Variants in SAMD4A observed in about 807,000 individuals in gnomAD.
SAMD4A encodes the protein sterile alpha motif domain containing 4A, also known as protein Smaug homolog 1.
Under a neutral mutation model 81.3 loss-of-function variants are expected in SAMD4A, and 33 were observed. The ratio of observed to expected loss-of-function variants is 0.41; its 90% CI spans 0.31 to 0.54. The LOEUF is 0.54. Ranked by LOEUF, SAMD4A falls within the 20% of genes least tolerant of loss-of-function variation. SAMD4A has a pLI of 0.37. For synonymous variants in SAMD4A, 389 were observed against 382.1 expected (o/e 1.02, Z -0.21); for missense variants, 854 against 951.1 (o/e 0.90, Z 1.34).
intron 2 of SAMD4A, among the ~76,000 whole-genome samples, chr14:54,587,159 A>G (rs1251201658): frequency 2.6e-5 from 4 of 152,084 alleles, no homozygotes; most frequent in Non-Finnish European, 4.4e-5. Flanking sequence ...GGTTAGGTAT[A>G]TTCCTAAGCA....
chr14:54,735,816 C>A (rs1409502142), intron 3 of SAMD4A, among the ~76,000 whole-genome samples: 1 of 152,240 alleles, frequency 6.6e-6, no homozygotes, highest in Non-Finnish European at 1.5e-5. Context: ...GGACCTCTCA[C>A]CATTGAGATG....
intron 3 of SAMD4A, among the ~76,000 whole-genome samples, chr14:54,726,819 C>T (rs1352666957): frequency 6.6e-6 from 1 of 151,934 alleles, no homozygotes; most frequent in Non-Finnish European, 1.5e-5. Flanking sequence ...GGTTGAGAAC[C>T]ACCGGTCTAG....
intron 9 of SAMD4A, among the ~76,000 whole-genome samples, chr14:54,770,706 G>A (rs1263333558): frequency 6.6e-6 from 1 of 152,224 alleles, no homozygotes; most frequent in Non-Finnish European, 1.5e-5. Flanking sequence ...GTCTCATAGT[G>A]GAGCAGTACA....
intron 2 of SAMD4A, among the ~76,000 whole-genome samples, chr14:54,589,268 G>A (rs2033710196): frequency 6.6e-6 from 1 of 152,160 alleles, no homozygotes; most frequent in South Asian, 2.1e-4. Flanking sequence ...TGGAGATGAG[G>A]ATGGAAACAG....
At chr14:54,730,397 T>C (rs1026479617) in intron 3 of SAMD4A, among the ~76,000 whole-genome samples, 2 of 152,232 alleles carry the variant, frequency 1.3e-5, no homozygotes, top group African/African-American at 4.8e-5. Context: ...AGTATACACT[T>C]TCTTTTCACC....
At chr14:54,579,650 T>C (rs371508260) in intron 2 of SAMD4A, among the ~76,000 whole-genome samples, 18 of 152,230 alleles carry the variant, frequency 1.2e-4, no homozygotes, top group African/African-American at 4.1e-4. Flanking sequence ...GCTTTGTTTT[T>C]CCACTGGCTT....
At chr14:54,665,957 G>T (rs1188663487) in intron 2 of SAMD4A, among the ~76,000 whole-genome samples, 1 of 152,168 alleles carries the variant, frequency 6.6e-6, no homozygotes, top group African/African-American at 2.4e-5. Flanking sequence ...AAATGGGCAG[G>T]ATGTGAACCC....
chr14:54,740,766 G>A (rs1480269972), intron 4 of SAMD4A, among the ~76,000 whole-genome samples: 1 of 152,196 alleles, frequency 6.6e-6, no homozygotes, highest in South Asian at 2.1e-4. Flanking sequence ...CTGTCACTAA[G>A]TTCTCTCCCA....
chr14:54,612,011 C>T (rs1350176931), intron 2 of SAMD4A, among the ~76,000 whole-genome samples: 2 of 152,128 alleles, frequency 1.3e-5, no homozygotes, highest in Non-Finnish European at 1.5e-5. Flanking sequence ...ACACCAGAGC[C>T]GCACAGTTAT....
In SAMD4A at chr14:54,776,443, C is replaced by T. The variant is rs1302772141; in HGVS notation, c.1947C>T (p.Ser649=). Reference sequence around the variant, plus strand: ...TGTGGTTTGCCAACCCCGGGGGCAGCAATAGCATGCCAAGCCGCACCCACA... The same window carrying T: ...TGTGGTTTGCCAACCCCGGGGGCAGTAATAGCATGCCAAGCCGCACCCACA... The part of the protein sequence containing the change: ...QNLWFANPGG[S]NSMPSRTHSS... Residue 649 remains serine, a synonymous_variant, in exon 11 of 13, where the codon AGC becomes AGT. Coordinates refer to ENST00000554335, the MANE Select transcript of SAMD4A (RefSeq NM_015589.6). 1 of 1,594,100 alleles carries T rather than the reference C, an allele frequency of 6.3e-7. No individual in the cohort carries two copies. Among genetic ancestry groups the T allele is most frequent in the Non-Finnish European group, 8.5e-7 (1 of 1,171,264 alleles).
At chr14:54,708,036 A>C (rs1001304740) in intron 3 of SAMD4A, among the ~76,000 whole-genome samples, 1 of 152,212 alleles carries the variant, frequency 6.6e-6, no homozygotes, top group African/African-American at 2.4e-5. Flanking sequence ...CACATTTTAA[A>C]AGGTTCTCTT....
chr14:54,760,147 C>T lies in SAMD4A; in HGVS notation c.1177-14C>T. On this transcript the variant is annotated splice_polypyrimidine_tract_variant and intron_variant, in intron 6 of 12. Coordinates refer to ENST00000554335, the MANE Select transcript of SAMD4A (RefSeq NM_015589.6). ...CCTGAGCCTAACAGAGGTCTTCCTG[C>T]TCTCACCGTCCAGGACATCATCGAG... 6.2e-7 allele frequency: 1 copy of T among 1,606,356 alleles called. No individual in the cohort carries two copies. Among genetic ancestry groups the T allele is most frequent in the Non-Finnish European group, 8.5e-7 (1 of 1,177,504 alleles).
chr14:54,693,600 T>A (rs1339831008), intron 2 of SAMD4A: 2 of 152,228 alleles, frequency 1.3e-5, no homozygotes, highest in Non-Finnish European at 2.9e-5. Context: ...GGAGGAAGGC[T>A]TGAGGCTAAG....
intron 5 of SAMD4A, among the ~76,000 whole-genome samples, chr14:54,751,133 G>A (rs1232541572): frequency 6.6e-6 from 1 of 152,118 alleles, no homozygotes; most frequent in Non-Finnish European, 1.5e-5. Flanking sequence ...TTGGTGGCCT[G>A]TAGTCCCAGC....
chr14:54,619,992 G>A (rs2034577672), intron 2 of SAMD4A, among the ~76,000 whole-genome samples: 1 of 151,472 alleles, frequency 6.6e-6, no homozygotes, highest in Non-Finnish European at 1.5e-5. Flanking sequence ...TGATCTCAGG[G>A]GAACTTCTAT....
intron 4 of SAMD4A, among the ~76,000 whole-genome samples, chr14:54,743,531 A>T (rs959739554): frequency 6.6e-6 from 1 of 152,254 alleles, no homozygotes; most frequent in Non-Finnish European, 1.5e-5. Flanking sequence ...CACAAGGCGC[A>T]GCCTTTGATG....
intron 2 of SAMD4A, among the ~76,000 whole-genome samples, chr14:54,701,634 G>A (rs973418884): frequency 2.6e-4 from 39 of 152,328 alleles, no homozygotes; most frequent in African/African-American, 9.1e-4. Flanking sequence ...ACAGATGTCT[G>A]GGGGAGGTGA....
chr14:54,673,716 C>T (rs1214748419), intron 2 of SAMD4A, among the ~76,000 whole-genome samples: 1 of 152,256 alleles, frequency 6.6e-6, no homozygotes, highest in Non-Finnish European at 1.5e-5. Flanking sequence ...CCAGCCCCAG[C>T]AGGCCATCTA....
intron 4 of SAMD4A, among the ~76,000 whole-genome samples, chr14:54,745,876 T>G (rs2037956441): frequency 6.6e-6 from 1 of 152,252 alleles, no homozygotes; most frequent in Non-Finnish European, 1.5e-5. Flanking sequence ...TCTCCCTGTT[T>G]GCCTGCATTT....
Sources: gnomAD v4.1 joint callset for allele counts (sites outside exome capture counted in the v4.1 genomes callset) on GRCh38, gnomAD v4.1.1 for gene constraint, MANE v1.5 for transcripts, NCBI Gene and HGNC (gene_info 2026-07-23, HGNC 2026-07-21) for gene names.